NKAIN2: variants seen among roughly 807,000 people sequenced by gnomAD.
NKAIN2 encodes the protein sodium/potassium transporting ATPase interacting 2.
In NKAIN2, 14 loss-of-function variants were observed where a neutral mutation model predicts 32.6. The observed-to-expected ratio is 0.43, with a 90% CI of 0.28 to 0.67. The LOEUF is 0.67. NKAIN2 is among the 30% of genes least tolerant of loss of function. The probability of loss-of-function intolerance (pLI) is 0.17; values close to 1 mark genes in which losing one functional copy is unlikely to be tolerated. For synonymous variants in NKAIN2, 80 were observed against 87.2 expected, an observed-to-expected ratio of 0.92 and a Z score of 0.46; for missense variants, 198 against 258.3, an observed-to-expected ratio of 0.77 and a Z score of 1.60.
chr6:124,552,291 T>C (rs944601488), intron 3 of NKAIN2, among the ~76,000 whole-genome samples: 3 of 152,220 alleles, frequency 2.0e-5, no homozygotes, highest in Non-Finnish European at 4.4e-5. Flanking sequence ...ATGGCAGGGA[T>C]AGAAGATGGC....
At chr6:123,988,139 C>T (rs577851793) in intron 1 of NKAIN2, among the ~76,000 whole-genome samples, 1 of 152,136 alleles carries the variant, frequency 6.6e-6, no homozygotes, top group Admixed American at 6.5e-5. Context: ...GATTGATTCC[C>T]TACAGGAAAT....
intron 3 of NKAIN2, among the ~76,000 whole-genome samples, chr6:124,478,631 G>C (rs529179558): frequency 6.6e-6 from 1 of 152,326 alleles, no homozygotes; most frequent in Admixed American, 6.5e-5. Flanking sequence ...CATAGTATTA[G>C]ATTATAATCT....
chr6:123,991,673 T>C (rs1779418024), intron 1 of NKAIN2, among the ~76,000 whole-genome samples: 2 of 152,000 alleles, frequency 1.3e-5, no homozygotes, highest in South Asian at 2.1e-4. Context: ...CCATCCTGGC[T>C]AACACGGTGA....
At chr6:124,005,982 C>T (rs987465295) in intron 1 of NKAIN2, among the ~76,000 whole-genome samples, 1 of 152,164 alleles carries the variant, frequency 6.6e-6, no homozygotes, top group African/African-American at 2.4e-5. Context: ...TCCTCTGTCT[C>T]TGACTTGCCC....
intron 4 of NKAIN2, among the ~76,000 whole-genome samples, chr6:124,661,230 T>G (rs1482229201): frequency 6.6e-6 from 1 of 152,222 alleles, no homozygotes; most frequent in East Asian, 1.9e-4. Context: ...TCTTGGCTTC[T>G]TAGCTCCATG....
chr6:124,432,806 C>T (rs1169385553), intron 3 of NKAIN2, among the ~76,000 whole-genome samples: 1 of 152,054 alleles, frequency 6.6e-6, no homozygotes, highest in Non-Finnish European at 1.5e-5. Context: ...TCACAGTCAC[C>T]TCTCTTAAGA....
At chr6:124,160,374 T>C (rs802272) in intron 1 of NKAIN2, among the ~76,000 whole-genome samples, 130,401 of 152,138 alleles carry the variant, frequency 0.86, 56,039 homozygotes, top group South Asian at 0.89. Flanking sequence ...AGTAATTCTA[T>C]CAGTAAAAAC....
chr6:124,264,892 T>C (rs890021544), intron 1 of NKAIN2, among the ~76,000 whole-genome samples: 7 of 152,210 alleles, frequency 4.6e-5, no homozygotes, highest in Non-Finnish European at 1.0e-4. Context: ...TTCCAATCTT[T>C]AATATGTTTA....
chr6:124,121,933 A>G, intron 1 of NKAIN2: 1 of 1,218,916 alleles, frequency 8.2e-7, no homozygotes, highest in South Asian at 1.3e-5. Context: ...TCCCACAAAT[A>G]TCTTAACCGT....
chr6:124,741,141 G>A lies in NKAIN2; in HGVS notation c.475-50198G>A, dbSNP rs780632297. Among the ~76,000 whole-genome samples the A allele has an allele frequency of 2.6e-5, 4 of 151,786 alleles. No homozygotes were observed. In the East Asian group the frequency reaches 7.9e-4, roughly 30 times the overall value. On this transcript the variant is annotated intron_variant, in intron 4 of 6. Coordinates refer to ENST00000368417, the MANE Select transcript of NKAIN2 (RefSeq NM_001040214.3). ...CTCACTGAGATGGGGACAACGTGAAGGAGTGTAGTTAGAGGAGGAAAATCA... is the reference window on the plus strand; with the variant it reads ...CTCACTGAGATGGGGACAACGTGAAAGAGTGTAGTTAGAGGAGGAAAATCA...
At position 124,025,543 on chromosome 6, in the gene NKAIN2, C is replaced by T. The variant is rs1251975665; in HGVS notation, c.54+221289C>T. ...TCTATTCTTCCTTTCATGGCCCTTC[C>T]TTCCAATATGTTGTTAATTGGTCAA... On this transcript the variant is annotated intron_variant, in intron 1 of 6. Coordinates refer to ENST00000368417, the MANE Select transcript of NKAIN2 (RefSeq NM_001040214.3). 3.3e-5 allele frequency among the ~76,000 whole-genome samples: 5 copies of T among 152,098 alleles called. No homozygotes were observed. In the East Asian group the frequency reaches 9.6e-4, roughly 29 times the overall value.
chr6:123,839,022 C>T (rs553452594), intron 1 of NKAIN2, among the ~76,000 whole-genome samples: 2 of 152,258 alleles, frequency 1.3e-5, no homozygotes, highest in Non-Finnish European at 2.9e-5. Context: ...CGTAGCTATC[C>T]TGCCCTGCTT....
At chr6:124,467,628 A>C (rs1776814603) in intron 3 of NKAIN2, among the ~76,000 whole-genome samples, 1 of 152,114 alleles carries the variant, frequency 6.6e-6, no homozygotes, top group Admixed American at 6.6e-5. Flanking sequence ...ATGATCATTC[A>C]TCGAAAGTTG....
At chr6:124,301,134 G>A (rs922299118) in intron 2 of NKAIN2, among the ~76,000 whole-genome samples, 3 of 152,088 alleles carry the variant, frequency 2.0e-5, no homozygotes, top group African/African-American at 7.2e-5. Context: ...GTGCCACCTA[G>A]GGACTTGCTG....
intron 3 of NKAIN2, among the ~76,000 whole-genome samples, chr6:124,623,886 A>G (rs1783202000): frequency 6.6e-6 from 1 of 151,854 alleles, no homozygotes; most frequent in Non-Finnish European, 1.5e-5. Flanking sequence ...AAACACAGAC[A>G]CTCTTTTCTG....
At chr6:124,764,740 T>G (rs1778434650) in intron 4 of NKAIN2, among the ~76,000 whole-genome samples, 2 of 152,222 alleles carry the variant, frequency 1.3e-5, no homozygotes, top group African/African-American at 4.8e-5. Context: ...GATGGCTTCT[T>G]ATCACTTGAA....
At chr6:124,002,581 TG>T (rs767000446) in intron 1 of NKAIN2, among the ~76,000 whole-genome samples, 4 of 152,158 alleles carry the variant, frequency 2.6e-5, no homozygotes, top group Non-Finnish European at 4.4e-5. Context: ...TAGACTGCTT[TG>T]GCCATAGACT....
intron 1 of NKAIN2, among the ~76,000 whole-genome samples, chr6:123,875,308 A>C (rs2114302907): frequency 6.6e-6 from 1 of 152,056 alleles, no homozygotes; most frequent in East Asian, 1.9e-4. Context: ...TTAGCAAATA[A>C]CTTACTATAT....
intron 1 of NKAIN2, among the ~76,000 whole-genome samples, chr6:124,213,133 C>G (rs1008842295): frequency 7.2e-5 from 11 of 152,056 alleles, no homozygotes; most frequent in Non-Finnish European, 1.3e-4. Flanking sequence ...AGTGATCCCC[C>G]CAGCTGATAA....
Sources: allele counts gnomAD v4.1 joint callset (sites outside exome capture counted in the v4.1 genomes callset), GRCh38; gene constraint gnomAD v4.1.1; transcripts MANE v1.5; gene names NCBI Gene and HGNC (gene_info 2026-07-23, HGNC 2026-07-21).